EPHA3: variants seen among roughly 807,000 people sequenced by gnomAD.
The protein encoded by EPHA3 is EPH receptor A3.
EPHA3 carries 42 observed loss-of-function variants against 107.1 expected under a neutral mutation model. The observed-to-expected ratio is 0.39, with a 90% CI of 0.31 to 0.51. The LOEUF (loss-of-function observed/expected upper bound fraction) is 0.51. Among genes scored for constraint, EPHA3 ranks in the 20% least tolerant of loss-of-function variants. EPHA3 has a pLI of 0.78. For synonymous variants in EPHA3, 461 were observed against 424.8 expected (o/e 1.09, Z -1.05); for missense variants, 1,183 against 1,211.2 (o/e 0.98, Z 0.35).
intron 3 of EPHA3, among the ~76,000 whole-genome samples, chr3:89,312,438 A>C (rs1014537764): frequency 1.3e-5 from 2 of 150,504 alleles, no homozygotes; most frequent in Non-Finnish European, 3.0e-5. Context: ...AGACAGTTTT[A>C]ATTATTCCTT....
chr3:89,126,274 G>A (rs1243380521), intron 1 of EPHA3, among the ~76,000 whole-genome samples: 3 of 151,612 alleles, frequency 2.0e-5, no homozygotes, highest in Non-Finnish European at 3.0e-5. Flanking sequence ...TTCTAATTTA[G>A]GAGAAAGATG....
intron 1 of EPHA3, among the ~76,000 whole-genome samples, chr3:89,111,329 A>G (rs565977572): frequency 6.6e-6 from 1 of 152,274 alleles, no homozygotes; most frequent in African/African-American, 2.4e-5. Flanking sequence ...TCAAATAAGA[A>G]CACACTGTGA....
At chr3:89,479,362 G>T in intron 16 of EPHA3, 35 bp from the exon 17 acceptor site, 1 of 1,563,700 alleles carries the variant, frequency 6.4e-7, no homozygotes, top group Non-Finnish European at 8.8e-7. Context: ...CACTATCGAG[G>T]AAACCGATTC....
chr3:89,324,187 A>G (rs957300372), intron 3 of EPHA3, among the ~76,000 whole-genome samples: 4 of 124,316 alleles, frequency 3.2e-5, no homozygotes, highest in African/African-American at 9.4e-5. Flanking sequence ...TTAATTTTTG[A>G]GACAACATCT....
chr3:89,370,423 C>T (rs534621623), intron 5 of EPHA3, among the ~76,000 whole-genome samples: 398 of 151,502 alleles, frequency 2.6e-3, no homozygotes, highest in African/African-American at 8.8e-3. Flanking sequence ...AACCAAACAC[C>T]GCATGTTCTC....
At chr3:89,201,682 T>A (rs2107161510) in intron 2 of EPHA3, among the ~76,000 whole-genome samples, 1 of 152,350 alleles carries the variant, frequency 6.6e-6, no homozygotes, top group African/African-American at 2.4e-5. Flanking sequence ...TGAATCTGTA[T>A]CTTACATTTA....
chr3:89,193,923 G>C (rs1421118761), intron 2 of EPHA3, among the ~76,000 whole-genome samples: 2 of 151,876 alleles, frequency 1.3e-5, no homozygotes, highest in Admixed American at 6.6e-5. Flanking sequence ...TCATGTCCAA[G>C]TGGCTATTTA....
intron 5 of EPHA3, among the ~76,000 whole-genome samples, chr3:89,391,382 T>TTTTC (rs1708729372): frequency 7.2e-6 from 1 of 138,364 alleles, no homozygotes; most frequent in South Asian, 2.2e-4. Flanking sequence ...TATTTGTATT[T>TTTTC]TTTTCTTTTC....
rs1390922668 is a variant in EPHA3, at chr3:89,107,739, C to A, written c.-10C>A. On this transcript the variant is annotated 5_prime_UTR_variant, in exon 1 of 17. Transcript: ENST00000336596. ...GATATGCTCCTCTCACTGCCCTCTG[C>A]ACCAGCAACATGGATTGTCAGCTCT... 6.2e-7 allele frequency: 1 copy of A among 1,613,582 alleles called. No individual in the cohort carries two copies. The highest frequency in any genetic ancestry group is 2.2e-5 in the East Asian group (1 of 44,846).
intron 2 of EPHA3, among the ~76,000 whole-genome samples, chr3:89,183,028 A>C (rs1392498518): frequency 6.6e-6 from 1 of 151,958 alleles, no homozygotes; most frequent in East Asian, 1.9e-4. Flanking sequence ...AGGAAAACTG[A>C]TTACAAATGT....
intron 5 of EPHA3, among the ~76,000 whole-genome samples, chr3:89,357,157 C>T (rs1395272394): frequency 1.8e-5 from 2 of 110,994 alleles, no homozygotes; most frequent in East Asian, 5.2e-4. Flanking sequence ...GCAAAGATAT[C>T]GGCAAAGAGT....
chr3:89,371,319 T>C lies in EPHA3; in HGVS notation c.1307-24518T>C, dbSNP rs1324951223. Among the ~76,000 whole-genome samples the C allele has an allele frequency of 3.3e-5, 5 of 151,846 alleles. 1 individual carries two copies. In the South Asian group the frequency reaches 8.3e-4, roughly 25 times the overall value. ...CATCTTTTATCTGTTCTCATATCTT[T>C]AAGTTTCCCTGGAAGATTACTCTCT... On this transcript the variant is annotated intron_variant, in intron 5 of 16. Transcript: ENST00000336596.
intron 1 of EPHA3, among the ~76,000 whole-genome samples, chr3:89,112,275 G>A (rs907753362): frequency 6.6e-6 from 1 of 152,004 alleles, no homozygotes; most frequent in African/African-American, 2.4e-5. Flanking sequence ...GTAGGTTTAG[G>A]AAGTTTTTGG....
intron 3 of EPHA3, among the ~76,000 whole-genome samples, chr3:89,297,929 G>T (rs1706398214): frequency 6.6e-6 from 1 of 152,102 alleles, no homozygotes. Context: ...CGGCTACTCA[G>T]GAGGTTGAGG....
Position 89,479,457 on chromosome 3 carries a change from T to C in EPHA3, c.2907T>C (p.Ile969=). 1 of 1,614,130 alleles carries C rather than the reference T, an allele frequency of 6.2e-7. No individual in the cohort carries two copies. The highest frequency in any genetic ancestry group is 8.5e-7 in the Non-Finnish European group (1 of 1,180,010). The part of the protein sequence containing the change: ...VGPQKKIISS[I]KALETQSKNG... ...CACAGAAGAAGATCATCAGTAGCAT[T>C]AAAGCTCTAGAAACGCAATCAAAGA... Residue 969 remains isoleucine (I), a synonymous_variant, in exon 17 of 17, where the codon ATT becomes ATC. Coordinates refer to ENST00000336596, the MANE Select transcript of EPHA3 (RefSeq NM_005233.6).
chr3:89,288,975 A>G (rs1706151419), intron 3 of EPHA3, among the ~76,000 whole-genome samples: 1 of 152,186 alleles, frequency 6.6e-6, no homozygotes, highest in Non-Finnish European at 1.5e-5. Context: ...ATATACTTTG[A>G]CAATTACCAT....
Position 89,481,576 on chromosome 3 carries a change from T to C in EPHA3, c.*2074T>C, listed in dbSNP as rs1398003609. 1.3e-5 allele frequency: 3 copies of C among 232,566 alleles called. No individual in the cohort carries two copies. The highest frequency in any genetic ancestry group is 2.2e-5 in the African/African-American group (1 of 45,318). The allele number at this position is 232,566 out of a possible 1,614,324, so 14.4% of individuals were successfully genotyped here. On this transcript the variant is annotated 3_prime_UTR_variant, in exon 17 of 17. Transcript: ENST00000336596. ...AAAACCCATGCATTTCATAAACTAA[T>C]AGAAGTTGAGGATTGTTGAATCTAT...
In EPHA3 at chr3:89,211,957, G is replaced by T. The variant is rs1382231005; in HGVS notation, c.814+1437G>T. ...AAGGAGGGTAGAAAGAAATATTGGC[G>T]ACTAAAGAACGATTTAAGAATCGCA... On this transcript the variant is annotated intron_variant, in intron 3 of 16. Coordinates refer to ENST00000336596, the MANE Select transcript of EPHA3 (RefSeq NM_005233.6). Among the ~76,000 whole-genome samples, 5 of 151,826 alleles carry T rather than the reference G, an allele frequency of 3.3e-5. No individual in the cohort carries two copies. In the East Asian group the frequency reaches 9.7e-4, roughly 29 times the overall value.
At chr3:89,389,566 A>C (rs1029871566) in intron 5 of EPHA3, among the ~76,000 whole-genome samples, 2 of 152,222 alleles carry the variant, frequency 1.3e-5, no homozygotes, top group Non-Finnish European at 2.9e-5. Flanking sequence ...TCCCAATAAA[A>C]ACAAATAAAC....
Sources: allele counts gnomAD v4.1 joint callset (sites outside exome capture counted in the v4.1 genomes callset), GRCh38; gene constraint gnomAD v4.1.1; transcripts MANE v1.5; gene names NCBI Gene and HGNC (gene_info 2026-07-23, HGNC 2026-07-21).